Variants in ERGIC1 observed in about 807,000 individuals in gnomAD.
ERGIC1 encodes the protein endoplasmic reticulum-golgi intermediate compartment 1, also known as endoplasmic reticulum-Golgi intermediate compartment protein 1.
ERGIC1 carries 19 observed loss-of-function variants against 38.3 expected under a neutral mutation model. The observed-to-expected ratio is 0.50, with a 90% CI of 0.35 to 0.73. The LOEUF is 0.73. Ranked by LOEUF, ERGIC1 falls within the 30% of genes least tolerant of loss-of-function variation. The pLI is 0.01. For missense variants in ERGIC1, 294 were observed against 389.2 expected, an observed-to-expected ratio of 0.76 and a Z score of 2.06; for synonymous variants, 124 against 157.6, an observed-to-expected ratio of 0.79 and a Z score of 1.60.
rs140357561 is a variant in ERGIC1 at position 172,909,707 on chromosome 5, G to A, written c.196G>A (p.Gly66Ser). 1.5e-5 allele frequency: 25 copies of A among 1,614,098 alleles called. No homozygotes were observed. Among genetic ancestry groups the A allele is most frequent in the African/African-American group, 6.7e-5 (5 of 74,940 alleles). The part of the protein sequence containing the change: ...LYVDDPDKDS[G>S]GKIDVSLNIS... The stretch of plus-strand genomic sequence containing the variant: ...TGTCGATGACCCAGACAAGGACAGC[G>A]GTGGCAAGATCGACGTCAGTCTGAA... Residue 66 changes from glycine (G) to serine (S), a missense_variant, in exon 4 of 10, where the codon GGT (glycine) becomes AGT (serine). Coordinates refer to ENST00000393784, the MANE Select transcript of ERGIC1 (RefSeq NM_001031711.3).
chr5:172,858,535 C>T (rs990814849), intron 1 of ERGIC1, among the ~76,000 whole-genome samples: 1 of 152,188 alleles, frequency 6.6e-6, no homozygotes, highest in Non-Finnish European at 1.5e-5. Flanking sequence ...GTCCTGAATC[C>T]GGGCGGTGAC....
chr5:172,915,079 G>T, intron 5 of ERGIC1: 3 of 720,032 alleles, frequency 4.2e-6, no homozygotes, highest in Non-Finnish European at 5.1e-6. Flanking sequence ...TCTCCAGTGA[G>T]GGGGACAATG....
rs1165385307 is a variant in ERGIC1, at chr5:172,914,900, C to T, written c.375+62C>T. On this transcript the variant is annotated intron_variant, in intron 5 of 9. Coordinates refer to ENST00000393784, the MANE Select transcript of ERGIC1 (RefSeq NM_001031711.3). ...CCCTTTCCTGCTGTCTCCCCGCTCC[C>T]TGGAAACTGGTTGTGGAGGCACTCA... 3 of 1,609,360 alleles carry T rather than the reference C, an allele frequency of 1.9e-6. No individual in the cohort carries two copies. In the Admixed American group the frequency reaches 5.1e-5, roughly 27 times the overall value.
intron 9 of ERGIC1, among the ~76,000 whole-genome samples, chr5:172,941,766 G>A (rs907793413): frequency 5.9e-5 from 9 of 152,168 alleles, no homozygotes; most frequent in East Asian, 5.8e-4. Flanking sequence ...AAAAGCCGAC[G>A]TCCATCTAAG....
chr5:172,895,458 C>T (rs376729984), intron 2 of ERGIC1, among the ~76,000 whole-genome samples: 16 of 150,178 alleles, frequency 1.1e-4, no homozygotes, highest in Admixed American at 6.0e-4. Context: ...TCAGGTGTGG[C>T]GTATTCAGCC....
At chr5:172,841,222 GCTGT>G (rs776554659) in intron 1 of ERGIC1, among the ~76,000 whole-genome samples, 4 of 152,144 alleles carry the variant, frequency 2.6e-5, no homozygotes, top group Admixed American at 2.0e-4. Flanking sequence ...TCCAACGCTG[GCTGT>G]CTTTGTTTAA....
chr5:172,932,728 CAG>C (rs1763807303), intron 8 of ERGIC1, 192 bp downstream of exon 8: 1 of 604,730 alleles, frequency 1.7e-6, no homozygotes, highest in Non-Finnish European at 2.9e-6. Flanking sequence ...GTGGCAGTCT[CAG>C]AGTCAAGGAG....
chr5:172,920,712 C>A, intron 5 of ERGIC1: 2 of 478,010 alleles, frequency 4.2e-6, no homozygotes, highest in Non-Finnish European at 7.7e-6. Flanking sequence ...GAGGGGACAG[C>A]CTTCTTGACT....
intron 2 of ERGIC1, among the ~76,000 whole-genome samples, chr5:172,893,018 C>T (rs1197820266): frequency 6.6e-6 from 1 of 152,190 alleles, no homozygotes; most frequent in Non-Finnish European, 1.5e-5. Flanking sequence ...ATCCCATCCC[C>T]CCAGCTCTGG....
intron 1 of ERGIC1, among the ~76,000 whole-genome samples, chr5:172,876,049 T>C (rs928014729): frequency 6.6e-6 from 1 of 152,232 alleles, no homozygotes; most frequent in Admixed American, 6.5e-5. Context: ...GGTACTGCTG[T>C]GTGCTTTGTA....
intron 4 of ERGIC1, among the ~76,000 whole-genome samples, chr5:172,914,135 T>C (rs1763278735): frequency 6.7e-6 from 1 of 149,540 alleles, no homozygotes; most frequent in African/African-American, 2.5e-5. Flanking sequence ...CTTGGGAGGC[T>C]GAGGCAGGAG....
intron 6 of ERGIC1, among the ~76,000 whole-genome samples, chr5:172,924,941 T>C (rs536455334): frequency 6.6e-6 from 1 of 152,124 alleles, no homozygotes; most frequent in African/African-American, 2.4e-5. Context: ...CAGATGTTGA[T>C]CAAATAATGG....
chr5:172,947,307 C>T (rs1454689515), intron 9 of ERGIC1, among the ~76,000 whole-genome samples: 1 of 152,174 alleles, frequency 6.6e-6, no homozygotes, highest in African/African-American at 2.4e-5. Context: ...CCTCAGCCTC[C>T]AGAGTAGCTG....
At chr5:172,898,760 T>C (rs946238969) in intron 3 of ERGIC1, among the ~76,000 whole-genome samples, 2 of 152,144 alleles carry the variant, frequency 1.3e-5, no homozygotes, top group Non-Finnish European at 2.9e-5. Flanking sequence ...GTTGGTCTGC[T>C]TCCCAAGACA....
chr5:172,903,829 G>A (rs1488520856), intron 3 of ERGIC1, among the ~76,000 whole-genome samples: 2 of 151,628 alleles, frequency 1.3e-5, no homozygotes, highest in Admixed American at 6.6e-5. Context: ...GCCAGGATTC[G>A]AACCCTGGTA....
chr5:172,895,769 G>A (rs760292508), intron 2 of ERGIC1, among the ~76,000 whole-genome samples: 1 of 152,000 alleles, frequency 6.6e-6, no homozygotes, highest in Non-Finnish European at 1.5e-5. Flanking sequence ...CCATGGAGGA[G>A]GAGGGATGAT....
chr5:172,836,711 G>T (rs1306217931), intron 1 of ERGIC1, among the ~76,000 whole-genome samples: 1 of 152,228 alleles, frequency 6.6e-6, no homozygotes, highest in African/African-American at 2.4e-5. Flanking sequence ...TGGGTGGCAT[G>T]TGGTCCGGCT....
intron 5 of ERGIC1, chr5:172,921,617 C>G (rs1763521748): frequency 6.6e-6 from 1 of 152,238 alleles, no homozygotes; most frequent in African/African-American, 2.4e-5. Flanking sequence ...CTTCATTGGG[C>G]TGGAATAAGG....
chr5:172,868,333 C>A (rs1761922442), intron 1 of ERGIC1, among the ~76,000 whole-genome samples: 1 of 152,204 alleles, frequency 6.6e-6, no homozygotes, highest in African/African-American at 2.4e-5. Context: ...AAATACCAAG[C>A]ACACTGGTTC....
Sources: allele counts gnomAD v4.1 joint callset (sites outside exome capture counted in the v4.1 genomes callset), GRCh38; gene constraint gnomAD v4.1.1; transcripts MANE v1.5; gene names NCBI Gene and HGNC (gene_info 2026-07-23, HGNC 2026-07-21).